CDH12: variants seen among roughly 807,000 people sequenced by gnomAD.
The protein encoded by CDH12 is cadherin-12.
A neutral mutation model predicts 74.1 loss-of-function variants in CDH12; 41 were observed. The observed-to-expected ratio is 0.55, with a 90% CI of 0.43 to 0.72. The LOEUF is 0.72. Among genes scored for constraint, CDH12 ranks in the 30% least tolerant of loss-of-function variants. CDH12 has a pLI of 0.00. For missense variants in CDH12, 945 were observed against 977.2 expected, an observed-to-expected ratio of 0.97 and a Z score of 0.44; for synonymous variants, 399 against 355.0, an observed-to-expected ratio of 1.12 and a Z score of -1.39.
chr5:22,200,848 G>T (rs890457671), intron 4 of CDH12, among the ~76,000 whole-genome samples: 25 of 152,328 alleles, frequency 1.6e-4, no homozygotes, highest in Admixed American at 4.6e-4. Flanking sequence ...GAATATAGTA[G>T]TGAATGACAC....
chr5:21,755,478 A>G (rs1380552311), intron 14 of CDH12, 113 bp downstream of exon 14: 9 of 866,386 alleles, frequency 1.0e-5, no homozygotes, highest in Non-Finnish European at 1.6e-5. Context: ...TGACATGTCA[A>G]TGAATAAAAA....
chr5:22,190,114 C>G (rs915549076), intron 4 of CDH12, among the ~76,000 whole-genome samples: 33 of 152,188 alleles, frequency 2.2e-4, no homozygotes, highest in Middle Eastern at 3.4e-3. Context: ...GTAATTAATC[C>G]TCATACTGAG....
intron 3 of CDH12, among the ~76,000 whole-genome samples, chr5:22,221,385 G>A (rs1053871375): frequency 6.6e-6 from 1 of 151,836 alleles, no homozygotes; most frequent in South Asian, 2.1e-4. Flanking sequence ...GCAGGTCCTA[G>A]ACATTATATT....
intron 1 of CDH12, among the ~76,000 whole-genome samples, chr5:22,602,185 C>T (rs991950777): frequency 1.3e-5 from 2 of 151,982 alleles, no homozygotes; most frequent in East Asian, 1.9e-4. Context: ...TGTAAAAGGG[C>T]GAGACTTCTC....
At chr5:22,732,559 G>A (rs932331147) in intron 1 of CDH12, among the ~76,000 whole-genome samples, 2 of 151,546 alleles carry the variant, frequency 1.3e-5, no homozygotes, top group African/African-American at 4.8e-5. Flanking sequence ...AATAGAGTTA[G>A]TTGCTGCAGA....
At chr5:21,801,636 C>T (rs563068482) in intron 10 of CDH12, among the ~76,000 whole-genome samples, 1 of 152,284 alleles carries the variant, frequency 6.6e-6, no homozygotes, top group South Asian at 2.1e-4. Flanking sequence ...TCATTTTACT[C>T]TAGGACTGAC....
chr5:22,525,972 C>T, intron 1 of CDH12, among the ~76,000 whole-genome samples: 1 of 152,100 alleles, frequency 6.6e-6, no homozygotes, highest in Non-Finnish European at 1.5e-5. Context: ...TGCATGATTC[C>T]TTTCAGAACA....
chr5:21,836,021 G>C (rs548820869), intron 8 of CDH12, among the ~76,000 whole-genome samples: 4 of 151,748 alleles, frequency 2.6e-5, no homozygotes, highest in African/African-American at 7.2e-5. Flanking sequence ...ACATATATAT[G>C]TTGTTTTTAA....
intron 3 of CDH12, among the ~76,000 whole-genome samples, chr5:22,386,771 G>A (rs1306560145): frequency 1.3e-5 from 2 of 151,778 alleles, no homozygotes; most frequent in Non-Finnish European, 2.9e-5. Flanking sequence ...CATTTATTGT[G>A]TTGTTTAATA....
intron 4 of CDH12, among the ~76,000 whole-genome samples, chr5:22,164,376 C>A (rs531619895): frequency 2.0e-5 from 3 of 152,292 alleles, no homozygotes; most frequent in African/African-American, 7.2e-5. Flanking sequence ...GGAACAATGG[C>A]AAGACTTTAA....
At chr5:22,483,672 T>A (rs1746469032) in intron 2 of CDH12, among the ~76,000 whole-genome samples, 1 of 140,562 alleles carries the variant, frequency 7.1e-6, no homozygotes, top group Non-Finnish European at 1.5e-5. Flanking sequence ...TATGCAGAAT[T>A]GAAATCAGCC....
At chr5:22,278,347 CT>C (rs1358837247) in intron 3 of CDH12, among the ~76,000 whole-genome samples, 2 of 152,094 alleles carry the variant, frequency 1.3e-5, no homozygotes, top group East Asian at 3.9e-4. Context: ...ACCACCTGGC[CT>C]AAGTACTGAG....
intron 6 of CDH12, chr5:21,882,966 G>A (rs186697626): frequency 6.2e-7 from 1 of 1,600,144 alleles, no homozygotes; most frequent in African/African-American, 1.3e-5. Flanking sequence ...TATAGCCAAG[G>A]AAGGCTTCCA....
chr5:22,349,760 A>C (rs1740279939), intron 3 of CDH12, among the ~76,000 whole-genome samples: 1 of 152,060 alleles, frequency 6.6e-6, no homozygotes, highest in Admixed American at 6.6e-5. Flanking sequence ...TTTGAGACGG[A>C]GTCTGGCTCT....
chr5:22,321,645 A>T (rs1738888940), intron 3 of CDH12, among the ~76,000 whole-genome samples: 2 of 150,922 alleles, frequency 1.3e-5, no homozygotes, highest in South Asian at 4.2e-4. Flanking sequence ...AAAGTATAAT[A>T]AAAAAAATAA....
At chr5:22,073,761 AT>A (rs1742114240) in intron 5 of CDH12, among the ~76,000 whole-genome samples, 1 of 151,860 alleles carries the variant, frequency 6.6e-6, no homozygotes, top group Non-Finnish European at 1.5e-5. Flanking sequence ...TGAACATCTG[AT>A]TCTTTAAATA....
intron 1 of CDH12, among the ~76,000 whole-genome samples, chr5:22,662,528 C>A (rs1485428914): frequency 6.6e-6 from 1 of 152,056 alleles, no homozygotes; most frequent in Non-Finnish European, 1.5e-5. Context: ...CAGATTTTGG[C>A]CAACACTTTG....
At chr5:22,377,260 A>AAACTT (rs1458425216) in intron 3 of CDH12, among the ~76,000 whole-genome samples, 1 of 152,206 alleles carries the variant, frequency 6.6e-6, no homozygotes, top group African/African-American at 2.4e-5. Flanking sequence ...TTGTGTAGAA[A>AAACTT]AACTTACATA....
chr5:22,294,784 G>A (rs1737552846), intron 3 of CDH12, among the ~76,000 whole-genome samples: 1 of 152,138 alleles, frequency 6.6e-6, no homozygotes. Flanking sequence ...CCGACTATAG[G>A]TCCATGGCCT....
Sources: allele counts gnomAD v4.1 joint callset (sites outside exome capture counted in the v4.1 genomes callset), GRCh38; gene constraint gnomAD v4.1.1; transcripts MANE v1.5; gene names NCBI Gene and HGNC (gene_info 2026-07-23, HGNC 2026-07-21).